LYRM4: variants seen among roughly 807,000 people sequenced by gnomAD.
LYRM4 encodes the protein LYR motif-containing protein 4.
A neutral mutation model predicts 11.7 loss-of-function variants in LYRM4; 9 were observed. The observed-to-expected ratio is 0.77, with a 90% CI of 0.46 to 1.34. The LOEUF is 1.34. Ranked by LOEUF, LYRM4 falls within the 40% of genes most tolerant of loss-of-function variation. The pLI, the probability that LYRM4 is intolerant of heterozygous loss-of-function variation, is 0.00. For synonymous variants in LYRM4, 42 were observed against 40.4 expected (o/e 1.04, Z -0.15); for missense variants, 133 against 112.5 (o/e 1.18, Z -0.82).
intron 2 of LYRM4, among the ~76,000 whole-genome samples, chr6:5,156,800 G>A (rs956862514): frequency 2.0e-5 from 3 of 152,158 alleles, no homozygotes; most frequent in Non-Finnish European, 2.9e-5. Flanking sequence ...AGGAGAGTAC[G>A]GGTGAGAATC....
At chr6:5,129,221 G>A (rs1033941347) in intron 2 of LYRM4, among the ~76,000 whole-genome samples, 1 of 152,176 alleles carries the variant, frequency 6.6e-6, no homozygotes, top group African/African-American at 2.4e-5. Flanking sequence ...GACAACCCAG[G>A]TTTCTCCAAA....
At chr6:5,101,320 G>A (rs1400790489), downstream of LYRM4, among the ~76,000 whole-genome samples, 2 of 152,196 alleles carry the variant, frequency 1.3e-5, no homozygotes, top group Non-Finnish European at 2.9e-5. Flanking sequence ...ATGAATCCAT[G>A]TTTGGTCCAT....
chr6:5,145,829 C>G (rs7760791), intron 2 of LYRM4, among the ~76,000 whole-genome samples: 15,042 of 152,156 alleles, frequency 0.099, 795 homozygotes, highest in Middle Eastern at 0.16. Flanking sequence ...GCTCCTAACT[C>G]AAGCCCGCAA....
intron 1 of LYRM4, among the ~76,000 whole-genome samples, chr6:5,237,080 G>A (rs1390310448): frequency 1.3e-5 from 2 of 152,216 alleles, no homozygotes; most frequent in African/African-American, 4.8e-5. Flanking sequence ...TTTCTACTCA[G>A]TCTAGAGCTT....
the LYRM4 span, among the ~76,000 whole-genome samples, chr6:5,046,827 C>T: frequency 2.0e-5 from 3 of 152,140 alleles, no homozygotes; most frequent in Non-Finnish European, 4.4e-5. Context: ...TGGTAGCACA[C>T]ACCTGTAACG....
intron 1 of LYRM4, among the ~76,000 whole-genome samples, chr6:5,220,422 C>T (rs1762517116): frequency 6.6e-6 from 1 of 152,198 alleles, no homozygotes; most frequent in Non-Finnish European, 1.5e-5. Context: ...CCTATAAACA[C>T]ATCTGTGCCT....
At chr6:5,081,429 C>G in the LYRM4 span, among the ~76,000 whole-genome samples, 1 of 152,170 alleles carries the variant, frequency 6.6e-6, no homozygotes, top group Admixed American at 6.5e-5. Context: ...TGGGTGCACA[C>G]CGTTTCTGCT....
At chr6:5,086,350 G>C in the LYRM4 span, 1 of 1,535,900 alleles carries the variant, frequency 6.5e-7, no homozygotes, top group Non-Finnish European at 8.7e-7. Context: ...GCCAGGGTCC[G>C]GGGATGCCAA....
chr6:5,060,623 G>A, the LYRM4 span, among the ~76,000 whole-genome samples: 2 of 152,140 alleles, frequency 1.3e-5, no homozygotes, highest in African/African-American at 4.8e-5. Flanking sequence ...TGCCTCTCGG[G>A]TTCAAGTTAT....
At chr6:5,169,158 G>A (rs1759270859) in intron 2 of LYRM4, among the ~76,000 whole-genome samples, 1 of 151,944 alleles carries the variant, frequency 6.6e-6, no homozygotes, top group Admixed American at 6.6e-5. Flanking sequence ...GAAACTCCTG[G>A]GCTCAAGCGA....
the LYRM4 span, among the ~76,000 whole-genome samples, chr6:5,073,856 A>AG: frequency 6.6e-6 from 1 of 152,152 alleles, no homozygotes; most frequent in African/African-American, 2.4e-5. Context: ...CGCCACACCC[A>AG]GGGGAGTGGG....
At chr6:5,066,827 C>A in the LYRM4 span, 1 of 784,156 alleles carries the variant, frequency 1.3e-6, no homozygotes, top group Admixed American at 2.0e-5. Flanking sequence ...CCGGATCCGG[C>A]CACAGCTGCG....
intron 2 of LYRM4, among the ~76,000 whole-genome samples, chr6:5,160,450 G>A (rs949307175): frequency 6.6e-5 from 10 of 152,078 alleles, no homozygotes; most frequent in South Asian, 4.2e-4. Flanking sequence ...TCATGGGGGC[G>A]GGTCTTTTCC....
chr6:5,168,175 T>A (rs1759203804), intron 2 of LYRM4, among the ~76,000 whole-genome samples: 1 of 151,406 alleles, frequency 6.6e-6, no homozygotes, highest in Admixed American at 6.6e-5. Context: ...CTCTTCTTTA[T>A]AAAATAAGGC....
chr6:5,256,522 A>C (rs1021850873), intron 1 of LYRM4, among the ~76,000 whole-genome samples: 4 of 140,700 alleles, frequency 2.8e-5, no homozygotes, highest in African/African-American at 8.4e-5. Flanking sequence ...AAAAAAAAAA[A>C]AAAAAAAAGA....
At chr6:5,132,195 G>C (rs1763986646) in intron 2 of LYRM4, among the ~76,000 whole-genome samples, 1 of 152,196 alleles carries the variant, frequency 6.6e-6, no homozygotes, top group African/African-American at 2.4e-5. Flanking sequence ...TTAGGAAAGT[G>C]ACATTTACTG....
chr6:5,227,226 C>T (rs746106211), intron 1 of LYRM4, among the ~76,000 whole-genome samples: 1 of 152,040 alleles, frequency 6.6e-6, no homozygotes. Flanking sequence ...AAGTGTGAGG[C>T]AACACCATGG....
chr6:5,076,262 A>G, the LYRM4 span, among the ~76,000 whole-genome samples: 12 of 151,492 alleles, frequency 7.9e-5, no homozygotes, highest in Non-Finnish European at 1.6e-4. Flanking sequence ...TTTTTTCCAC[A>G]TAACTATTCT....
At chr6:5,119,463 C>T (rs1046552109) in intron 2 of LYRM4, among the ~76,000 whole-genome samples, 14 of 152,012 alleles carry the variant, frequency 9.2e-5, no homozygotes, top group African/African-American at 2.9e-4. Flanking sequence ...CATGCTGCAC[C>T]GGCTTGTTGT....
Sources: gnomAD v4.1 joint callset for allele counts (sites outside exome capture counted in the v4.1 genomes callset) on GRCh38, gnomAD v4.1.1 for gene constraint, MANE v1.5 for transcripts, NCBI Gene and HGNC (gene_info 2026-07-23, HGNC 2026-07-21) for gene names.